GATM: variants seen among roughly 807,000 people sequenced by gnomAD.
GATM encodes glycine amidinotransferase, mitochondrial.
GATM carries 23 observed loss-of-function variants against 54.2 expected under a neutral mutation model. That is an observed-to-expected ratio of 0.42 (90% CI 0.31 to 0.60). The LOEUF is 0.60. GATM is among the 20% of genes least tolerant of loss of function. The probability of loss-of-function intolerance (pLI) is 0.14; values close to 1 mark genes in which losing one functional copy is unlikely to be tolerated. For synonymous variants in GATM, 168 were observed against 183.1 expected (o/e 0.92, Z 0.67); for missense variants, 401 against 544.9 (o/e 0.74, Z 2.63).
At chr15:45,369,812 T>A in intron 2 of GATM, 1 of 408,064 alleles carries the variant, frequency 2.5e-6, no homozygotes, top group Non-Finnish European at 4.5e-6. Context: ...AGACTTGGAA[T>A]CCTCTTGGCC....
intron 6 of GATM, 87 bp from the exon 7 acceptor site, chr15:45,364,947 A>T: frequency 9.2e-7 from 1 of 1,089,710 alleles, no homozygotes; most frequent in East Asian, 2.5e-5. Context: ...ATCAGTAATA[A>T]TTCTCTTTGA....
chr15:45,391,870 G>C (rs1476901774), intron 3 of GATM, among the ~76,000 whole-genome samples: 1 of 152,126 alleles, frequency 6.6e-6, no homozygotes, highest in African/African-American at 2.4e-5. Flanking sequence ...AAAATAAAAG[G>C]ATACAAAAGA....
At chr15:45,370,757 T>C (rs1298896968) in intron 2 of GATM, among the ~76,000 whole-genome samples, 2 of 152,158 alleles carry the variant, frequency 1.3e-5, no homozygotes, top group African/African-American at 4.8e-5. Flanking sequence ...GCAACAGCTG[T>C]TAAATATTGT....
At chr15:45,392,372 C>T (rs575285303) in intron 3 of GATM, among the ~76,000 whole-genome samples, 10 of 152,288 alleles carry the variant, frequency 6.6e-5, no homozygotes, top group South Asian at 6.2e-4. Context: ...TATGCACGTG[C>T]GTGTGCGTGC....
chr15:45,393,919 A>G (rs1204176296), intron 3 of GATM, among the ~76,000 whole-genome samples: 1 of 152,240 alleles, frequency 6.6e-6, no homozygotes, highest in Non-Finnish European at 1.5e-5. Flanking sequence ...AAAGATTTTA[A>G]GAATCAGGCT....
chr15:45,376,736 T>C lies in GATM; in HGVS notation c.153A>G (p.Ala51=), dbSNP rs1045318003. 1.9e-6 allele frequency: 3 copies of C among 1,614,110 alleles called. No homozygotes were observed. The African/African-American group carries it at 4.0e-5, about 22-fold the overall frequency. Residue 51 remains alanine (A), a synonymous_variant, in exon 2 of 9, where the codon GCA becomes GCG. Transcript: ENST00000396659. ...GAGGCTCAGTGGCTTTGTCGTCAGC[T>C]GCACAGGAGTTCCGGGAGGAAGCCG... The part of the protein sequence containing the change: ...AATASSRNSC[A]ADDKATEPLP...
intron 4 of GATM, among the ~76,000 whole-genome samples, chr15:45,367,297 C>T (rs945827147): frequency 6.6e-5 from 10 of 151,512 alleles, no homozygotes; most frequent in Non-Finnish European, 8.8e-5. Flanking sequence ...GCCGAGATCA[C>T]GCCACTGCAC....
At chr15:45,365,869 T>G (rs1424195991) in intron 6 of GATM, among the ~76,000 whole-genome samples, 177 bp downstream of exon 6, 1 of 152,254 alleles carries the variant, frequency 6.6e-6, no homozygotes, top group Non-Finnish European at 1.5e-5. Flanking sequence ...TATTTCTGCA[T>G]GGTGGACATC....
chr15:45,370,369 C>T (rs28711439), intron 2 of GATM, among the ~76,000 whole-genome samples: 1 of 144,356 alleles, frequency 6.9e-6, no homozygotes, highest in Non-Finnish European at 1.5e-5. Flanking sequence ...AAGCGAGACT[C>T]TGTCTCAAAA....
chr15:45,370,013 G>A (rs902345540), intron 2 of GATM, among the ~76,000 whole-genome samples: 2 of 151,796 alleles, frequency 1.3e-5, no homozygotes, highest in South Asian at 4.2e-4. Flanking sequence ...ATTTTGTGAA[G>A]GGAAAAAAAA....
chr15:45,373,435 G>C (rs1009658300), intron 2 of GATM: 1 of 152,006 alleles, frequency 6.6e-6, no homozygotes, highest in African/African-American at 2.4e-5. Context: ...CCCAGGAGGC[G>C]GAGCTTGCAG....
chr15:45,372,469 G>T (rs1889559876), intron 2 of GATM, among the ~76,000 whole-genome samples: 1 of 152,120 alleles, frequency 6.6e-6, no homozygotes, highest in Non-Finnish European at 1.5e-5. Flanking sequence ...CTACTCCTAG[G>T]AATTTCTGCA....
At chr15:45,385,053 C>G (rs1048767215) in intron 3 of GATM, among the ~76,000 whole-genome samples, 2 of 152,122 alleles carry the variant, frequency 1.3e-5, no homozygotes, top group African/African-American at 4.8e-5. Context: ...TCAGACAGTG[C>G]GTATCTAGAC....
chr15:45,373,730 T>C (rs1458430543), intron 2 of GATM, among the ~76,000 whole-genome samples: 1 of 152,214 alleles, frequency 6.6e-6, no homozygotes, highest in East Asian at 1.9e-4. Flanking sequence ...AACTGATTAA[T>C]ATATGTGTCA....
At chr15:45,378,352 G>A (rs908053451) in intron 1 of GATM, 33 bp downstream of exon 1, 1 of 1,495,822 alleles carries the variant, frequency 6.7e-7, no homozygotes, top group Non-Finnish European at 8.9e-7. Context: ...AGTGAGTCAC[G>A]CGGCCGCCAG....
At chr15:45,366,250 G>A in intron 5 of GATM, 40 bp from the exon 6 acceptor site, 1 of 1,611,930 alleles carries the variant, frequency 6.2e-7, no homozygotes, top group Non-Finnish European at 8.5e-7. Flanking sequence ...TAAATATTTG[G>A]TTCTATGTCT....
upstream of GATM, among the ~76,000 whole-genome samples, chr15:45,381,615 T>TC (rs1192962569): frequency 1.3e-5 from 2 of 152,204 alleles, no homozygotes; most frequent in African/African-American, 4.8e-5. Context: ...AGGAAGGTGT[T>TC]CCTAGAACTT....
Position 45,376,698 on chromosome 15 carries a change from C to T in GATM, c.191G>A (p.Cys64Tyr), listed in dbSNP as rs1418671209. The change falls in exon 2 of 9, where the codon TGC becomes TAC. Residue 64 changes from cysteine to tyrosine, a missense_variant. Physicochemically the swap from Cys to Tyr is radical, Grantham distance 194. Transcript: ENST00000396659. ...CCATTCGTTGTAAGAAGAGACAGGG[C>T]AGTCCTTGGGCAGAGGCTCAGTGGC... ...DKATEPLPKD[C>Y]PVSSYNEWDP... is the part of the protein sequence containing the mutation. The T allele has an allele frequency of 1.2e-6, 2 of 1,614,102 alleles. No individual in the cohort carries two copies. Among genetic ancestry groups the T allele is most frequent in the Admixed American group, 1.7e-5 (1 of 60,006 alleles).
chr15:45,374,164 C>T (rs1889589674), intron 2 of GATM, among the ~76,000 whole-genome samples: 2 of 152,100 alleles, frequency 1.3e-5, no homozygotes, highest in Non-Finnish European at 2.9e-5. Context: ...GAATCTTGTA[C>T]AAGGTCAAAT....
Sources: gnomAD v4.1 joint callset for allele counts (sites outside exome capture counted in the v4.1 genomes callset) on GRCh38, gnomAD v4.1.1 for gene constraint, MANE v1.5 for transcripts, NCBI Gene and HGNC (gene_info 2026-07-23, HGNC 2026-07-21) for gene names.